The following ANKRD28 variants were observed in gnomAD, a reference collection of about 807,000 sequenced individuals.
ANKRD28 encodes the protein serine/threonine-protein phosphatase 6 regulatory ankyrin repeat subunit A.
A neutral mutation model predicts 126.5 loss-of-function variants in ANKRD28; 44 were observed. The ratio of observed to expected loss-of-function variants is 0.35; its 90% CI spans 0.27 to 0.45. ANKRD28 has a LOEUF of 0.45. ANKRD28 is among the 20% of genes least tolerant of loss of function. The pLI is 1.00. For missense variants in ANKRD28, 1,110 were observed against 1,316.6 expected (o/e 0.84, Z 2.43); for synonymous variants, 442 against 468.5 (o/e 0.94, Z 0.73).
At position 15,677,501 on chromosome 3, in the gene ANKRD28, G is replaced by C; in HGVS notation, c.2769C>G (p.Ala923=). The change falls in exon 25 of 28, where the codon GCC becomes GCG. Residue 923 remains alanine (A), a synonymous_variant. Coordinates refer to ENST00000683139, the MANE Select transcript of ANKRD28 (RefSeq NM_001349278.2). ...ATACCTTGCTACAAGCCAAATGGAG[G>C]GCAGTATTTTTACTGTTATCTTGTA... ...LTLQDNSKNT[A]LHLACSKGHE... is the part of the protein sequence containing the mutation. 1 of 1,612,284 alleles carries C rather than the reference G, an allele frequency of 6.2e-7. No homozygotes were observed. The highest frequency in any genetic ancestry group is 8.5e-7 in the Non-Finnish European group (1 of 1,178,704).
intron 3 of ANKRD28, among the ~76,000 whole-genome samples, chr3:15,756,117 T>C (rs1253497574): frequency 1.3e-5 from 2 of 152,232 alleles, no homozygotes; most frequent in Non-Finnish European, 2.9e-5. Context: ...CAACTGAACT[T>C]TCCCTTCAGA....
chr3:15,855,665 T>C (rs368276626), intron 1 of ANKRD28, among the ~76,000 whole-genome samples: 3 of 152,104 alleles, frequency 2.0e-5, no homozygotes, highest in African/African-American at 7.2e-5. Flanking sequence ...ATATGCTAAG[T>C]GAATGAGACA....
intron 27 of ANKRD28, among the ~76,000 whole-genome samples, chr3:15,670,826 G>A (rs777029259): frequency 1.9e-4 from 29 of 152,282 alleles, no homozygotes; most frequent in Non-Finnish European, 8.8e-5. Flanking sequence ...CAACTTATCC[G>A]TATCCATCTG....
At chr3:15,821,272 C>T (rs1186956799) in intron 1 of ANKRD28, among the ~76,000 whole-genome samples, 1 of 152,180 alleles carries the variant, frequency 6.6e-6, no homozygotes, top group Non-Finnish European at 1.5e-5. Context: ...TAGTTACGTT[C>T]CTTAAAATCT....
At chr3:15,859,465 G>A in exon 1 of ANKRD28, 2 of 1,412,762 alleles carry the variant, frequency 1.4e-6, no homozygotes, top group Non-Finnish European at 1.9e-6. Flanking sequence ...TGCCGCCGCC[G>A]ACCGGCCCAC....
chr3:15,692,660 G>T (rs571945821), intron 17 of ANKRD28, among the ~76,000 whole-genome samples: 72 of 152,168 alleles, frequency 4.7e-4, no homozygotes, highest in Non-Finnish European at 9.1e-4. Flanking sequence ...AAGTTGTCCC[G>T]AATGGGAGAG....
intron 1 of ANKRD28, among the ~76,000 whole-genome samples, chr3:15,826,072 T>G (rs2061058230): frequency 6.6e-6 from 1 of 152,100 alleles, no homozygotes. Flanking sequence ...GACCCAGCAA[T>G]TTTACCTCCA....
intron 1 of ANKRD28, among the ~76,000 whole-genome samples, chr3:15,849,854 G>A (rs1349831927): frequency 2.0e-5 from 3 of 152,040 alleles, no homozygotes; most frequent in Non-Finnish European, 4.4e-5. Flanking sequence ...AGATCACCAT[G>A]TATACGGAAA....
intron 6 of ANKRD28, among the ~76,000 whole-genome samples, chr3:15,734,786 G>A (rs1393533644): frequency 1.3e-5 from 2 of 152,210 alleles, no homozygotes; most frequent in South Asian, 2.1e-4. Flanking sequence ...TTGTCTCCCC[G>A]GCTCTGCAAG....
At chr3:15,782,996 A>G (rs956192849) in intron 2 of ANKRD28, among the ~76,000 whole-genome samples, 3 of 152,080 alleles carry the variant, frequency 2.0e-5, no homozygotes, top group Admixed American at 6.6e-5. Context: ...TAAAACTTCT[A>G]GAAGATATGA....
Position 15,751,795 on chromosome 3 carries a change from G to C in ANKRD28, c.306C>G (p.Ser102Arg). Residue 102 changes from serine (S) to arginine (R), a missense_variant, in exon 4 of 28, where the codon AGC becomes AGG. Ser to Arg is a moderately radical substitution (Grantham distance 110). Transcript: ENST00000683139. ...CTCTGTGTAAAGGTGTCAACCATTT[G>C]CTGTCTTTGGCATTAACTCTAGCTC... Reference protein sequence around the residue: ...LSGARVNAKDSKWLTPLHRAV... With the variant: ...LSGARVNAKDRKWLTPLHRAV... The C allele has an allele frequency of 6.3e-7, 1 of 1,586,422 alleles. No homozygotes were observed. Among genetic ancestry groups the C allele is most frequent in the Non-Finnish European group, 8.6e-7 (1 of 1,165,710 alleles).
At chr3:15,702,958 A>C (rs2070831906) in intron 14 of ANKRD28, among the ~76,000 whole-genome samples, 1 of 152,210 alleles carries the variant, frequency 6.6e-6, no homozygotes, top group Non-Finnish European at 1.5e-5. Flanking sequence ...GTCGTGACAG[A>C]GTTTAGACTA....
chr3:15,688,926 G>A (rs2068463823), intron 18 of ANKRD28, among the ~76,000 whole-genome samples: 1 of 152,212 alleles, frequency 6.6e-6, no homozygotes, highest in Admixed American at 6.5e-5. Context: ...TGTATCACTT[G>A]TTAAATGAAA....
chr3:15,827,457 T>C (rs1215746545), intron 1 of ANKRD28, among the ~76,000 whole-genome samples: 1 of 152,212 alleles, frequency 6.6e-6, no homozygotes, highest in Non-Finnish European at 1.5e-5. Context: ...TGTCACTGCA[T>C]TAATTTTAGC....
chr3:15,688,042 T>C (rs750664173), intron 18 of ANKRD28, among the ~76,000 whole-genome samples: 3 of 152,218 alleles, frequency 2.0e-5, no homozygotes, highest in Non-Finnish European at 4.4e-5. Flanking sequence ...ATTGAATAGA[T>C]AGGCACTAAG....
chr3:15,692,558 C>G (rs2068949317), intron 17 of ANKRD28, among the ~76,000 whole-genome samples: 1 of 152,174 alleles, frequency 6.6e-6, no homozygotes, highest in African/African-American at 2.4e-5. Flanking sequence ...TTGTATGGGA[C>G]TGAGAGAAGA....
At position 15,669,979 on chromosome 3, in the gene ANKRD28, G is replaced by C; in HGVS notation, c.*291C>G. 1 of 340,960 alleles carries C rather than the reference G, an allele frequency of 2.9e-6. No homozygotes were observed. The highest frequency in any genetic ancestry group is 4.6e-5 in the South Asian group (1 of 21,818). 21.1% of individuals were successfully genotyped at this position (340,960 alleles called of 1,614,324 possible). On this transcript the variant is annotated 3_prime_UTR_variant, in exon 28 of 28. Transcript: ENST00000683139. ...GTTGCTTGTGTAAGCAGGTTAGAGT[G>C]CACAGTGTCCCCAATTGTTCCTGGC...
At position 15,843,072 on chromosome 3, in the gene ANKRD28, T is replaced by C. The variant is rs2061456794; in HGVS notation, c.27+16305A>G. 6.6e-6 allele frequency among the ~76,000 whole-genome samples: 1 copy of C among 152,192 alleles called. No individual in the cohort carries two copies. The highest frequency in any genetic ancestry group is 2.1e-4 in the South Asian group (1 of 4,826). On this transcript the variant is annotated intron_variant, in intron 1 of 27. Transcript: ENST00000399451. This position sits in a 1 kb window ranked among gnomAD's most constrained non-coding sequence, Gnocchi z 5.2. ...GAAAAGAGGTTTAACTGGCTCATCC[T>C]TTTGCAGGCTATACAGGAATCATAG...
At chr3:15,759,993 A>G (rs2058368479) in intron 3 of ANKRD28, among the ~76,000 whole-genome samples, 1 of 152,202 alleles carries the variant, frequency 6.6e-6, no homozygotes, top group Non-Finnish European at 1.5e-5. Context: ...CCAAGAAGGC[A>G]TCTTTATTAA....
Sources: gnomAD v4.1 joint callset for allele counts (sites outside exome capture counted in the v4.1 genomes callset) on GRCh38, gnomAD v4.1.1 for gene constraint, Gnocchi (gnomAD v3.1) non-coding constraint, MANE v1.5 for transcripts, NCBI Gene and HGNC (gene_info 2026-07-23, HGNC 2026-07-21) for gene names.